Variants in WDR70 observed in about 807,000 individuals in gnomAD.
The protein encoded by WDR70 is WD repeat domain 70.
WDR70 carries 53 observed loss-of-function variants against 88.6 expected under a neutral mutation model. That is an observed-to-expected ratio of 0.60 (90% CI 0.48 to 0.75). WDR70 has a LOEUF of 0.75. Among genes scored for constraint, WDR70 ranks in the 30% least tolerant of loss-of-function variants. WDR70 has a pLI of 0.00. For missense variants in WDR70, 610 were observed against 823.2 expected (o/e 0.74, Z 3.17); for synonymous variants, 280 against 270.0 (o/e 1.04, Z -0.36).
At chr5:37,474,704 C>T (rs1421034758) in intron 7 of WDR70, among the ~76,000 whole-genome samples, 1 of 152,134 alleles carries the variant, frequency 6.6e-6, no homozygotes, top group East Asian at 1.9e-4. Context: ...ATTAGCTATT[C>T]TTCCACATGC....
chr5:37,727,260 A>G (rs1300220779), intron 17 of WDR70, among the ~76,000 whole-genome samples: 4 of 152,154 alleles, frequency 2.6e-5, no homozygotes, highest in African/African-American at 9.7e-5. Context: ...ATTCCATCAG[A>G]GTTGTAGCAT....
chr5:37,509,686 A>T (rs1740659651), intron 8 of WDR70, among the ~76,000 whole-genome samples: 1 of 151,906 alleles, frequency 6.6e-6, no homozygotes, highest in Non-Finnish European at 1.5e-5. Context: ...GCCACTGTCG[A>T]TCTTCGCATG....
At chr5:37,440,797 T>A (rs1182523481) in intron 6 of WDR70, among the ~76,000 whole-genome samples, 2 of 152,250 alleles carry the variant, frequency 1.3e-5, no homozygotes, top group Non-Finnish European at 2.9e-5. Flanking sequence ...TAATTTGTCA[T>A]CTTTCTTCTT....
chr5:37,465,534 T>G (rs1357032626), intron 7 of WDR70, among the ~76,000 whole-genome samples: 1 of 152,188 alleles, frequency 6.6e-6, no homozygotes, highest in African/African-American at 2.4e-5. Flanking sequence ...AACAGTTTTA[T>G]TGATAAGTAT....
chr5:37,698,337 G>C lies in WDR70; in HGVS notation c.1192+583G>C, dbSNP rs186980810. Among the ~76,000 whole-genome samples the C allele has an allele frequency of 1.8e-3, 276 of 152,246 alleles. 3 individuals are homozygous for C. The highest frequency in any genetic ancestry group is 6.4e-3 in the African/African-American group (268 of 41,566). ...TAGATAGGTTGTGTATTGGTAGAAG[G>C]AGATGGAGAATAGTGAAGGCAGCAT... is the stretch of plus-strand genomic sequence containing the variant. On this transcript the variant is annotated intron_variant, in intron 11 of 17. Coordinates refer to ENST00000265107, the MANE Select transcript of WDR70 (RefSeq NM_018034.4).
chr5:37,625,344 A>AT (rs1325716053), intron 10 of WDR70, among the ~76,000 whole-genome samples: 1 of 151,344 alleles, frequency 6.6e-6, no homozygotes, highest in African/African-American at 2.4e-5. Context: ...ATTTGTTATT[A>AT]TTTTTTTCTT....
chr5:37,539,290 A>G (rs1188006860), intron 9 of WDR70, among the ~76,000 whole-genome samples: 2 of 152,162 alleles, frequency 1.3e-5, no homozygotes, highest in African/African-American at 2.4e-5. Flanking sequence ...AGAGGGTGTT[A>G]TGGGCTGAAT....
intron 10 of WDR70, among the ~76,000 whole-genome samples, chr5:37,666,380 T>C (rs915707781): frequency 2.6e-5 from 4 of 152,220 alleles, no homozygotes; most frequent in Admixed American, 2.6e-4. Context: ...TATTGCCAGT[T>C]AGTAACTGTG....
chr5:37,603,198 G>T (rs895058279), intron 9 of WDR70, among the ~76,000 whole-genome samples: 3 of 150,888 alleles, frequency 2.0e-5, no homozygotes, highest in Admixed American at 2.0e-4. Context: ...CCAAGGCAGT[G>T]ATAAGCAAAA....
intron 8 of WDR70, among the ~76,000 whole-genome samples, chr5:37,496,175 A>T (rs554303251): frequency 5.9e-5 from 9 of 152,298 alleles, no homozygotes; most frequent in Non-Finnish European, 1.3e-4. Context: ...AGTGCTCTGT[A>T]AAATGGACCA....
chr5:37,560,031 T>C (rs1210186730), intron 9 of WDR70, among the ~76,000 whole-genome samples: 1 of 152,192 alleles, frequency 6.6e-6, no homozygotes, highest in Non-Finnish European at 1.5e-5. Flanking sequence ...AGATTTTTAA[T>C]GTTTTTTAGA....
At chr5:37,563,733 G>T (rs1742632696) in intron 9 of WDR70, among the ~76,000 whole-genome samples, 1 of 135,044 alleles carries the variant, frequency 7.4e-6, no homozygotes, top group Non-Finnish European at 1.7e-5. Context: ...CCCAGACGGG[G>T]TGGCTGCCGG....
chr5:37,731,550 G>A (rs755704022), intron 17 of WDR70, among the ~76,000 whole-genome samples: 3 of 152,082 alleles, frequency 2.0e-5, no homozygotes, highest in Non-Finnish European at 1.5e-5. Flanking sequence ...TTATGGCTGT[G>A]TTGACACTTC....
chr5:37,603,138 A>G (rs556962683), intron 9 of WDR70, among the ~76,000 whole-genome samples: 15 of 138,646 alleles, frequency 1.1e-4, no homozygotes, highest in African/African-American at 3.5e-4. Flanking sequence ...ATAGAAATAG[A>G]AAAAAAAAAA....
At chr5:37,432,120 A>T (rs1389366084) in intron 5 of WDR70, among the ~76,000 whole-genome samples, 1 of 151,970 alleles carries the variant, frequency 6.6e-6, no homozygotes, top group Admixed American at 6.5e-5. Context: ...ATTTTCTGAG[A>T]TACTACCAAG....
chr5:37,534,274 G>A (rs1336529194), intron 9 of WDR70, among the ~76,000 whole-genome samples: 2 of 152,268 alleles, frequency 1.3e-5, no homozygotes, highest in East Asian at 3.9e-4. Flanking sequence ...CATTTAAAAG[G>A]TTTTGAATGG....
At chr5:37,406,025 A>G (rs1164255866) in intron 5 of WDR70, among the ~76,000 whole-genome samples, 1 of 152,216 alleles carries the variant, frequency 6.6e-6, no homozygotes, top group Non-Finnish European at 1.5e-5. Context: ...CCTGAGTGAC[A>G]GAGTGAGACT....
chr5:37,427,541 T>C (rs995057517), intron 5 of WDR70, among the ~76,000 whole-genome samples: 1 of 152,106 alleles, frequency 6.6e-6, no homozygotes, highest in Non-Finnish European at 1.5e-5. Context: ...TCTCTTTTTA[T>C]TCCTAATAGG....
At chr5:37,659,077 C>T (rs916518649) in intron 10 of WDR70, among the ~76,000 whole-genome samples, 1 of 152,120 alleles carries the variant, frequency 6.6e-6, no homozygotes, top group Non-Finnish European at 1.5e-5. Context: ...ACAATTCATT[C>T]TATTGTTTTC....
Sources: gnomAD v4.1 joint callset for allele counts (sites outside exome capture counted in the v4.1 genomes callset) on GRCh38, gnomAD v4.1.1 for gene constraint, MANE v1.5 for transcripts, NCBI Gene and HGNC (gene_info 2026-07-23, HGNC 2026-07-21) for gene names.